The following PALLD variants were observed in gnomAD, a reference collection of about 807,000 sequenced individuals.
PALLD encodes palladin, cytoskeletal associated protein.
A neutral mutation model predicts 123.5 loss-of-function variants in PALLD; 61 were observed. The observed-to-expected ratio is 0.49, with a 90% CI of 0.40 to 0.61. The LOEUF (loss-of-function observed/expected upper bound fraction) is 0.61. Among genes scored for constraint, PALLD ranks in the 20% least tolerant of loss-of-function variants. The pLI is 0.00. For synonymous variants in PALLD, 465 were observed against 496.4 expected, an observed-to-expected ratio of 0.94 and a Z score of 0.84; for missense variants, 1,273 against 1,377.0, an observed-to-expected ratio of 0.92 and a Z score of 1.20.
chr4:168,841,208 T>C (rs1745992605), intron 10 of PALLD, among the ~76,000 whole-genome samples: 1 of 152,196 alleles, frequency 6.6e-6, no homozygotes, highest in Non-Finnish European at 1.5e-5. Flanking sequence ...CAAGGTGAGC[T>C]GTTGGACCTG....
intron 10 of PALLD, among the ~76,000 whole-genome samples, chr4:168,833,222 G>T (rs888546307): frequency 5.3e-5 from 8 of 152,226 alleles, no homozygotes; most frequent in African/African-American, 1.9e-4. Flanking sequence ...CTCTTGCTGG[G>T]GACGGAAGGG....
intron 2 of PALLD, among the ~76,000 whole-genome samples, chr4:168,662,579 T>A (rs763766253): frequency 1.1e-4 from 16 of 152,238 alleles, no homozygotes; most frequent in Admixed American, 2.0e-4. Flanking sequence ...ACCAAACCTA[T>A]ACTTCATCCT....
intron 15 of PALLD, among the ~76,000 whole-genome samples, chr4:168,906,647 C>G (rs926784193): frequency 7.9e-5 from 12 of 152,066 alleles, no homozygotes; most frequent in African/African-American, 2.9e-4. Context: ...CATTTAGAGA[C>G]AAGGTCTTCC....
intron 6 of PALLD, among the ~76,000 whole-genome samples, chr4:168,688,645 G>C (rs1416785799): frequency 2.0e-5 from 3 of 152,164 alleles, no homozygotes; most frequent in Admixed American, 6.5e-5. Flanking sequence ...ACTATGTTTA[G>C]CCATGGCTTT....
intron 10 of PALLD, among the ~76,000 whole-genome samples, chr4:168,877,402 A>G (rs1751892825): frequency 6.6e-6 from 1 of 152,220 alleles, no homozygotes; most frequent in South Asian, 2.1e-4. Context: ...TTTTTCTCTT[A>G]ATATTTCTTG....
intron 10 of PALLD, among the ~76,000 whole-genome samples, chr4:168,838,546 G>T (rs1333005350): frequency 6.6e-6 from 1 of 151,996 alleles, no homozygotes; most frequent in South Asian, 2.1e-4. Context: ...AATTTAGCTG[G>T]TGAAATGTAC....
At chr4:168,533,400 T>C (rs374619804) in intron 2 of PALLD, among the ~76,000 whole-genome samples, 6 of 152,204 alleles carry the variant, frequency 3.9e-5, no homozygotes, top group Admixed American at 1.3e-4. Flanking sequence ...AATCAAGGAA[T>C]GTTTTGAAGA....
chr4:168,692,724 A>G (rs1046898509), intron 8 of PALLD, among the ~76,000 whole-genome samples: 1 of 152,262 alleles, frequency 6.6e-6, no homozygotes, highest in African/African-American at 2.4e-5. Flanking sequence ...TAAGGCTAAA[A>G]TTTTGAGCCA....
chr4:168,809,075 A>G (rs1230691332), intron 10 of PALLD, among the ~76,000 whole-genome samples: 1 of 152,158 alleles, frequency 6.6e-6, no homozygotes, highest in African/African-American at 2.4e-5. Context: ...CCAATATTGG[A>G]AGCATTTGTG....
intron 2 of PALLD, among the ~76,000 whole-genome samples, chr4:168,543,036 G>A (rs1047646037): frequency 6.6e-6 from 1 of 151,834 alleles, no homozygotes. Context: ...TACTGAGATG[G>A]ACCTTAAATC....
chr4:168,638,908 C>G (rs1039797153), intron 2 of PALLD, among the ~76,000 whole-genome samples: 7 of 152,140 alleles, frequency 4.6e-5, no homozygotes, highest in Non-Finnish European at 1.0e-4. Flanking sequence ...TTTTCCTGTC[C>G]TTATTCCTAG....
At chr4:168,791,795 A>T (rs1737563577) in intron 10 of PALLD, among the ~76,000 whole-genome samples, 1 of 152,332 alleles carries the variant, frequency 6.6e-6, no homozygotes, top group African/African-American at 2.4e-5. Context: ...TGCCTTCTAG[A>T]GAACAGGATC....
chr4:168,787,161 A>G (rs1345865640), intron 10 of PALLD, among the ~76,000 whole-genome samples: 1 of 152,190 alleles, frequency 6.6e-6, no homozygotes, highest in Non-Finnish European at 1.5e-5. Flanking sequence ...GGAGTGAAAG[A>G]TGTCTGCTAA....
chr4:168,561,505 C>A (rs922837666), intron 2 of PALLD, among the ~76,000 whole-genome samples: 4 of 152,130 alleles, frequency 2.6e-5, no homozygotes, highest in African/African-American at 7.2e-5. Flanking sequence ...GAACTCCTGG[C>A]CTAAAGTGAT....
intron 10 of PALLD, among the ~76,000 whole-genome samples, chr4:168,846,330 T>A (rs1363069429): frequency 6.6e-6 from 1 of 152,228 alleles, no homozygotes; most frequent in Non-Finnish European, 1.5e-5. Context: ...TATGGGTAAT[T>A]TAAGCAGCTA....
intron 10 of PALLD, among the ~76,000 whole-genome samples, chr4:168,784,990 A>G (rs531562423): frequency 1.2e-4 from 17 of 147,528 alleles, no homozygotes; most frequent in African/African-American, 4.3e-4. Context: ...TTGTGGGTAC[A>G]TTCCAGCCCA....
chr4:168,517,985 CT>C (rs1189804026), intron 2 of PALLD, among the ~76,000 whole-genome samples: 9 of 152,292 alleles, frequency 5.9e-5, no homozygotes, highest in African/African-American at 2.2e-4. Flanking sequence ...CTTGACACCA[CT>C]ATATCGATGT....
chr4:168,771,931 G>A (rs1734513840), intron 10 of PALLD, among the ~76,000 whole-genome samples: 1 of 151,976 alleles, frequency 6.6e-6, no homozygotes, highest in Non-Finnish European at 1.5e-5. Context: ...GAGATAAGAG[G>A]GGTAGTATAT....
intron 10 of PALLD, among the ~76,000 whole-genome samples, chr4:168,858,993 C>T (rs1390124458): frequency 6.6e-6 from 1 of 152,122 alleles, no homozygotes; most frequent in African/African-American, 2.4e-5. Flanking sequence ...CATTTTTGTA[C>T]TTTTGCATTA....
Sources: allele counts gnomAD v4.1 joint callset (sites outside exome capture counted in the v4.1 genomes callset), GRCh38; gene constraint gnomAD v4.1.1; transcripts MANE v1.5; gene names NCBI Gene and HGNC (gene_info 2026-07-23, HGNC 2026-07-21).